Variants in ARRB1 observed in about 807,000 individuals in gnomAD.
ARRB1 encodes the protein beta-arrestin-1.
A neutral mutation model predicts 56.8 loss-of-function variants in ARRB1; 21 were observed. The ratio of observed to expected loss-of-function variants is 0.37; its 90% confidence interval spans 0.26 to 0.53. The LOEUF (loss-of-function observed/expected upper bound fraction) is 0.53, where lower values mean the gene tolerates loss of function less well. ARRB1 is among the 20% of genes least tolerant of loss of function. The pLI is 0.88. For missense variants in ARRB1, 424 were observed against 553.7 expected (o/e 0.77, Z 2.35); for synonymous variants, 210 against 218.6 (o/e 0.96, Z 0.35).
intron 5 of ARRB1, among the ~76,000 whole-genome samples, 166 bp downstream of exon 5, chr11:75,283,121 A>T (rs1317663214): frequency 6.6e-6 from 1 of 152,222 alleles, no homozygotes; most frequent in Non-Finnish European, 1.5e-5. Context: ...GCTGGAGAAG[A>T]GACACTTACC....
Position 75,298,697 on chromosome 11 carries a change from G to A in ARRB1, c.21-8658C>T, listed in dbSNP as rs1196765740. Among the ~76,000 whole-genome samples the A allele has an allele frequency of 2.0e-5, 3 of 151,744 alleles. No homozygotes were observed. In the East Asian group the frequency reaches 5.8e-4, roughly 29 times the overall value. On this transcript the variant is annotated intron_variant, in intron 1 of 15. Transcript: ENST00000420843. Reference sequence around the variant, plus strand: ...GTCCCCTCCTGGGTATACACCCAAAGTAACTGAAAATGTCCACACAAAAAA... The same window carrying A: ...GTCCCCTCCTGGGTATACACCCAAAATAACTGAAAATGTCCACACAAAAAA...
chr11:75,297,395 T>C (rs558785865), intron 1 of ARRB1, among the ~76,000 whole-genome samples: 11 of 152,136 alleles, frequency 7.2e-5, no homozygotes, highest in Non-Finnish European at 1.5e-4. Flanking sequence ...CAATGGGATA[T>C]AATTGAGAGT....
rs571910763 is a variant in ARRB1, at chr11:75,318,622, G to A, written c.21-28583C>T. Among the ~76,000 whole-genome samples the A allele has an allele frequency of 3.9e-5, 6 of 152,156 alleles. No homozygotes were observed. The South Asian group carries it at 6.2e-4, about 16-fold the overall frequency. On this transcript the variant is annotated intron_variant, in intron 1 of 15. Coordinates refer to ENST00000420843, the MANE Select transcript of ARRB1 (RefSeq NM_004041.5). The stretch of plus-strand genomic sequence containing the variant: ...GGAGAATTGCTTGAACCTGGTAGGC[G>A]GAGGTGGCAGTGAGCTGAGATCACG...
chr11:75,283,212 C>T, intron 5 of ARRB1, 75 bp downstream of exon 5: 1 of 1,478,816 alleles, frequency 6.8e-7, no homozygotes, highest in Non-Finnish European at 9.1e-7. Flanking sequence ...CCTCACCGCC[C>T]TCTTATGCCC....
At chr11:75,289,891 C>T (rs1946564595) in intron 2 of ARRB1, 118 bp downstream of exon 2, 1 of 1,459,892 alleles carries the variant, frequency 6.8e-7, no homozygotes, top group Admixed American at 1.7e-5. Flanking sequence ...GGAGCAGCAC[C>T]TGCCCCCTCC....
At chr11:75,321,476 TCAC>T (rs1010259230) in intron 1 of ARRB1, among the ~76,000 whole-genome samples, 6 of 152,142 alleles carry the variant, frequency 3.9e-5, no homozygotes, top group Non-Finnish European at 7.4e-5. Flanking sequence ...ACACACATGC[TCAC>T]CACCATTTGA....
chr11:75,323,569 C>T (rs900497531), intron 1 of ARRB1, among the ~76,000 whole-genome samples: 10 of 152,128 alleles, frequency 6.6e-5, no homozygotes, highest in Non-Finnish European at 1.0e-4. Flanking sequence ...GCAGTGAGCC[C>T]AGATCACGCC....
chr11:75,339,228 G>A (rs1402015608), intron 1 of ARRB1, among the ~76,000 whole-genome samples: 2 of 152,198 alleles, frequency 1.3e-5, no homozygotes, highest in Non-Finnish European at 2.9e-5. Context: ...GTGTCTCCTG[G>A]GCTAGAGGGA....
intron 1 of ARRB1, among the ~76,000 whole-genome samples, chr11:75,310,789 T>C (rs1441645489): frequency 6.6e-6 from 1 of 152,130 alleles, no homozygotes; most frequent in Admixed American, 6.5e-5. Context: ...CAGGTTCATG[T>C]GAATCTGATT....
intron 6 of ARRB1, 26 bp from the exon 7 acceptor site, chr11:75,281,168 AG>A (rs761953720): frequency 3.2e-5 from 51 of 1,577,950 alleles, no homozygotes; most frequent in Middle Eastern, 3.3e-4. Context: ...CACTGACCAC[AG>A]GGCCTTGGAG....
At chr11:75,298,772 T>C (rs1370025737) in intron 1 of ARRB1, among the ~76,000 whole-genome samples, 1 of 146,796 alleles carries the variant, frequency 6.8e-6, no homozygotes. Flanking sequence ...CCAAAAAGAG[T>C]GAAAAAAAAA....
intron 1 of ARRB1, among the ~76,000 whole-genome samples, chr11:75,309,002 C>A (rs539749061): frequency 1.3e-5 from 2 of 152,266 alleles, no homozygotes; most frequent in Non-Finnish European, 2.9e-5. Flanking sequence ...CCAGTATCCT[C>A]ATTTTACAGA....
At chr11:75,316,156 C>T (rs1379929932) in intron 1 of ARRB1, among the ~76,000 whole-genome samples, 1 of 151,982 alleles carries the variant, frequency 6.6e-6, no homozygotes, top group Admixed American at 6.6e-5. Flanking sequence ...GGTGAAACCC[C>T]GTCTCTACAA....
chr11:75,313,614 G>GA (rs1947208799), intron 1 of ARRB1, among the ~76,000 whole-genome samples: 1 of 152,208 alleles, frequency 6.6e-6, no homozygotes, highest in Non-Finnish European at 1.5e-5. Context: ...GGAGGCGTGT[G>GA]ACACACAGGA....
intron 1 of ARRB1, among the ~76,000 whole-genome samples, chr11:75,339,251 C>T (rs148964387): frequency 8.9e-4 from 135 of 152,370 alleles, no homozygotes; most frequent in Non-Finnish European, 1.5e-3. Flanking sequence ...CTTTCCTCTC[C>T]ATACCCTCAG....
At chr11:75,331,422 A>T (rs1023072714) in intron 1 of ARRB1, among the ~76,000 whole-genome samples, 3 of 152,168 alleles carry the variant, frequency 2.0e-5, no homozygotes, top group Non-Finnish European at 4.4e-5. Flanking sequence ...AAGCTAAGAC[A>T]TCACAGCCCC....
At chr11:75,302,820 C>T (rs1043900936) in intron 1 of ARRB1, among the ~76,000 whole-genome samples, 2 of 152,026 alleles carry the variant, frequency 1.3e-5, no homozygotes, top group African/African-American at 4.8e-5. Flanking sequence ...TGTCCTGCCC[C>T]CACCCCCTGC....
At chr11:75,278,786 G>A in intron 7 of ARRB1, 42 bp from the exon 8 acceptor site, 4 of 1,566,950 alleles carry the variant, frequency 2.6e-6, no homozygotes, top group Non-Finnish European at 3.5e-6. Flanking sequence ...AGGGTCACCT[G>A]CCTTCATCCC....
chr11:75,286,255 C>CTTTTTTTTTTTTTTTTTTTTTTTTTTTTT (rs60988072), intron 3 of ARRB1, among the ~76,000 whole-genome samples: 2 of 38,736 alleles, frequency 5.2e-5, no homozygotes, highest in African/African-American at 2.2e-4. Flanking sequence ...ATTTGCTCAT[C>CTTTTTTTTTTTTTTTTTTTTTTTTTTTTT]TTTTTTTTTT....
Sources: gnomAD v4.1 joint callset for allele counts (sites outside exome capture counted in the v4.1 genomes callset) on GRCh38, gnomAD v4.1.1 for gene constraint, MANE v1.5 for transcripts, NCBI Gene and HGNC (gene_info 2026-07-23, HGNC 2026-07-21) for gene names.